The following ANXA10 variants were observed in gnomAD, a reference collection of about 807,000 sequenced individuals.
The protein encoded by ANXA10 is annexin A10, also known as annexin 14.
ANXA10 carries 49 observed loss-of-function variants against 53.5 expected under a neutral mutation model. The ratio of observed to expected loss-of-function variants is 0.92; its 90% CI spans 0.73 to 1.16. ANXA10 has a LOEUF of 1.16. ANXA10 is among the 50% of genes most tolerant of loss of function. The probability of loss-of-function intolerance (pLI) is 0.00; values close to 1 mark genes in which losing one functional copy is unlikely to be tolerated. For synonymous variants in ANXA10, 131 were observed against 128.9 expected (o/e 1.02, Z -0.11); for missense variants, 393 against 394.4 (o/e 1.00, Z 0.03).
rs1730476469 is a variant in ANXA10 at position 168,092,548 on chromosome 4, CTTTTACA to C, written c.-148_-142del. The C allele has an allele frequency of 4.2e-6, 3 of 714,226 alleles. No individual in the cohort carries two copies. The highest frequency in any genetic ancestry group is 6.9e-6 in the Non-Finnish European group (3 of 435,124). 44.2% of individuals were successfully genotyped at this position (714,226 alleles called of 1,614,324 possible). On this transcript the variant is annotated 5_prime_UTR_variant, in exon 1 of 12. Transcript: ENST00000359299. ...TCAAGTCATGCTGTATCCAGATTTG[CTTTTACA>C]TTTTCTTGCCTGAGTCTGAGGTGAA...
intron 9 of ANXA10, among the ~76,000 whole-genome samples, chr4:168,180,644 A>G (rs1348198363): frequency 6.6e-6 from 1 of 152,202 alleles, no homozygotes; most frequent in Non-Finnish European, 1.5e-5. Context: ...GATTATGAAG[A>G]TTTCGTGTAT....
At chr4:168,177,295 G>C (rs562820) in intron 6 of ANXA10, among the ~76,000 whole-genome samples, 28,754 of 152,068 alleles carry the variant, frequency 0.19, 2,890 homozygotes, top group Non-Finnish European at 0.21. Context: ...TATTCTCACT[G>C]CACAAAGTCT....
intron 3 of ANXA10, among the ~76,000 whole-genome samples, chr4:168,156,751 C>A (rs1731691606): frequency 6.6e-6 from 1 of 151,904 alleles, no homozygotes; most frequent in Non-Finnish European, 1.5e-5. Context: ...GATCCTCCTG[C>A]CTCGGCCTCC....
intron 3 of ANXA10, among the ~76,000 whole-genome samples, chr4:168,144,475 C>T (rs1379992337): frequency 6.6e-6 from 1 of 152,204 alleles, no homozygotes; most frequent in African/African-American, 2.4e-5. Flanking sequence ...GCATGAGCCA[C>T]TGCGCCCAGT....
In ANXA10 at chr4:168,101,500, G is replaced by A. The variant is rs541695676; in HGVS notation, c.18+8782G>A. On this transcript the variant is annotated intron_variant, in intron 1 of 11. Transcript: ENST00000359299. ...TTTCTCTTTTCTTTGTGTTTTTTTT[G>A]GGGGGGAAGGGGACGGGGGGAAGCT... Among the ~76,000 whole-genome samples, 5 of 134,726 alleles carry A rather than the reference G, an allele frequency of 3.7e-5. No homozygotes were observed. In the East Asian group the frequency reaches 1.0e-3, roughly 27 times the overall value. 88.4% of individuals were successfully genotyped at this position (134,726 alleles called of 152,430 possible).
At chr4:168,122,423 A>T (rs565734875) in intron 1 of ANXA10, among the ~76,000 whole-genome samples, 1 of 152,268 alleles carries the variant, frequency 6.6e-6, no homozygotes, top group Non-Finnish European at 1.5e-5. Flanking sequence ...TGTACTATAG[A>T]ACTAAATTCC....
intron 2 of ANXA10, among the ~76,000 whole-genome samples, chr4:168,130,840 C>G (rs2149470295): frequency 6.6e-6 from 1 of 151,598 alleles, no homozygotes; most frequent in South Asian, 2.1e-4. Context: ...TTTTATCTCT[C>G]TCTCTCTCTG....
At chr4:168,126,855 TTATTAATCAGTGAGG>T in intron 1 of ANXA10, among the ~76,000 whole-genome samples, 1 of 152,186 alleles carries the variant, frequency 6.6e-6, no homozygotes, top group Non-Finnish European at 1.5e-5. Flanking sequence ...AACTTCATAT[TTATTAATCAGTGAGG>T]TAGAATCCAA....
Position 168,165,230 on chromosome 4 carries a change from C to A in ANXA10, c.401-17C>A. 6.8e-7 allele frequency: 1 copy of A among 1,478,502 alleles called. No individual in the cohort carries two copies. The highest frequency in any genetic ancestry group is 9.3e-7 in the Non-Finnish European group (1 of 1,072,072). The allele number at this position is 1,478,502 out of a possible 1,614,324, so 91.6% of individuals were successfully genotyped here. A position where few individuals can be genotyped will look rare whatever the true frequency, so the allele number is the denominator to read the frequency against. On this transcript the variant is annotated splice_polypyrimidine_tract_variant and intron_variant, in intron 5 of 11. Transcript: ENST00000359299. ...GTTCTATAATAAATCATACCTTTAA[C>A]ATGTTTTCTTATACAGAATACAGCA...
intron 6 of ANXA10, among the ~76,000 whole-genome samples, chr4:168,173,436 T>G (rs1732056007): frequency 6.6e-6 from 1 of 152,188 alleles, no homozygotes; most frequent in South Asian, 2.1e-4. Flanking sequence ...GGGTCTTTAG[T>G]GAAGGAACGT....
rs1485396833 is a variant in ANXA10, at chr4:168,156,397, T to C, written c.196-6131T>C. ...ATAATATAATTAATATATATTATAT[T>C]ATATATTATATAGTATATATTATAT... On this transcript the variant is annotated intron_variant, in intron 3 of 11. Coordinates refer to ENST00000359299, the MANE Select transcript of ANXA10 (RefSeq NM_007193.5). Among the ~76,000 whole-genome samples the C allele has an allele frequency of 1.0e-3, 19 of 18,286 alleles. 1 individual carries two copies. The highest frequency in any genetic ancestry group is 1.6e-3 in the Non-Finnish European group (13 of 8,376). The allele number at this position is 18,286 out of a possible 152,430, so 12.0% of individuals were successfully genotyped here. A position where few individuals can be genotyped will look rare whatever the true frequency, so the allele number is the denominator to read the frequency against.
intron 2 of ANXA10, among the ~76,000 whole-genome samples, chr4:168,130,035 G>T (rs745491090): frequency 2.0e-5 from 3 of 152,098 alleles, no homozygotes; most frequent in Non-Finnish European, 2.9e-5. Context: ...AATGCTCAGT[G>T]CTATTCAGAG....
intron 1 of ANXA10, 181 bp from the exon 2 acceptor site, chr4:168,127,903 T>C (rs192778134): frequency 1.7e-6 from 1 of 580,052 alleles, no homozygotes; most frequent in East Asian, 3.0e-5. Context: ...TTTGTATTTT[T>C]TGTAGAGAGG....
At chr4:168,111,918 T>G (rs963340058) in intron 1 of ANXA10, among the ~76,000 whole-genome samples, 3 of 152,200 alleles carry the variant, frequency 2.0e-5, no homozygotes, top group Non-Finnish European at 4.4e-5. Flanking sequence ...AGTAGTATTT[T>G]CAGATCTGCT....
chr4:168,095,593 G>A (rs568682221), intron 1 of ANXA10, among the ~76,000 whole-genome samples: 1 of 151,940 alleles, frequency 6.6e-6, no homozygotes, highest in Admixed American at 6.6e-5. Flanking sequence ...TGTCCTATAA[G>A]AATACCATTT....
At position 168,153,211 on chromosome 4, in the gene ANXA10, T is replaced by C. The variant is rs72987478; in HGVS notation, c.196-9317T>C. ...TCGTAGCAGTAAAAGTAGTAACAGT[T>C]CATCAGTTTCTAGATAGATTTGTAA... On this transcript the variant is annotated intron_variant, in intron 3 of 11. Coordinates refer to ENST00000359299, the MANE Select transcript of ANXA10 (RefSeq NM_007193.5). 6.0e-3 allele frequency among the ~76,000 whole-genome samples: 910 copies of C among 152,018 alleles called. 9 individuals carry two copies. The highest frequency in any genetic ancestry group is 0.021 in the African/African-American group (860 of 41,452).
At chr4:168,172,652 G>A (rs1011877570) in intron 6 of ANXA10, among the ~76,000 whole-genome samples, 1 of 152,146 alleles carries the variant, frequency 6.6e-6, no homozygotes, top group Non-Finnish European at 1.5e-5. Context: ...ATTCTAGCAA[G>A]AGAATATGGA....
intron 9 of ANXA10, 120 bp downstream of exon 9, chr4:168,179,432 T>A: frequency 1.4e-6 from 1 of 700,748 alleles, no homozygotes; most frequent in Non-Finnish European, 2.3e-6. Flanking sequence ...CCCTTGAATT[T>A]AATTTTTTAA....
intron 6 of ANXA10, among the ~76,000 whole-genome samples, chr4:168,168,763 C>T (rs1478592512): frequency 6.6e-6 from 1 of 151,984 alleles, no homozygotes; most frequent in South Asian, 2.1e-4. Context: ...AACATTGCAA[C>T]CAAGAAATAC....
Sources: allele counts gnomAD v4.1 joint callset (sites outside exome capture counted in the v4.1 genomes callset), GRCh38; gene constraint gnomAD v4.1.1; transcripts MANE v1.5; gene names NCBI Gene and HGNC (gene_info 2026-07-23, HGNC 2026-07-21).